The following PKP4 variants were observed in gnomAD, a reference collection of about 807,000 sequenced individuals.
PKP4 encodes the protein plakophilin 4.
Under a neutral mutation model 145.1 loss-of-function variants are expected in PKP4, and 90 were observed. The ratio of observed to expected loss-of-function variants is 0.62; its 90% CI spans 0.52 to 0.74. PKP4 has a LOEUF of 0.74. PKP4 is among the 30% of genes least tolerant of loss of function. PKP4 has a pLI of 0.00. For missense variants in PKP4, 1,340 were observed against 1,482.7 expected (o/e 0.90, Z 1.58); for synonymous variants, 563 against 577.2 (o/e 0.98, Z 0.35).
chr2:158,598,603 T>TA (rs1342742687), intron 3 of PKP4, among the ~76,000 whole-genome samples: 3 of 151,746 alleles, frequency 2.0e-5, no homozygotes, highest in African/African-American at 7.3e-5. Context: ...CCGTCTCTAC[T>TA]AAAAAAATAC....
chr2:158,674,987 G>A (rs1328247855), intron 19 of PKP4, among the ~76,000 whole-genome samples: 4 of 152,090 alleles, frequency 2.6e-5, no homozygotes, highest in African/African-American at 7.2e-5. Context: ...GTTGTGTATG[G>A]TATATATCTT....
chr2:158,537,191 A>G (rs1329148051), intron 2 of PKP4, among the ~76,000 whole-genome samples: 3 of 152,212 alleles, frequency 2.0e-5, no homozygotes, highest in Admixed American at 6.5e-5. Flanking sequence ...CACTCAGCCA[A>G]ACCTTCTTAA....
chr2:158,543,814 G>T (rs147018540), intron 2 of PKP4, among the ~76,000 whole-genome samples: 1 of 152,268 alleles, frequency 6.6e-6, no homozygotes, highest in African/African-American at 2.4e-5. Flanking sequence ...GACCAGGGTA[G>T]TTCTCCGTAC....
chr2:158,648,349 A>G (rs2055023135), intron 11 of PKP4, among the ~76,000 whole-genome samples: 1 of 152,244 alleles, frequency 6.6e-6, no homozygotes, highest in Admixed American at 6.5e-5. Flanking sequence ...AATTAATAAG[A>G]AAATAATAGT....
chr2:158,486,103 A>T (rs184271049), intron 1 of PKP4, among the ~76,000 whole-genome samples: 130 of 152,306 alleles, frequency 8.5e-4, no homozygotes, highest in Middle Eastern at 3.4e-3. Flanking sequence ...TATAACATTA[A>T]ATTTGTAATC....
At chr2:158,498,607 G>A (rs1205564181) in intron 1 of PKP4, among the ~76,000 whole-genome samples, 1 of 152,184 alleles carries the variant, frequency 6.6e-6, no homozygotes, top group Non-Finnish European at 1.5e-5. Flanking sequence ...CTCTGCTGAT[G>A]TTGGCCTTAT....
intron 1 of PKP4, among the ~76,000 whole-genome samples, chr2:158,484,654 A>G (rs1345475524): frequency 2.6e-5 from 4 of 152,246 alleles, no homozygotes; most frequent in Admixed American, 6.5e-5. Flanking sequence ...ATTTTCTGTG[A>G]TAAAGATGAT....
chr2:158,621,364 A>C lies in PKP4; in HGVS notation c.546A>C (p.Gly182=). The change falls in exon 6 of 22, where the codon GGA becomes GGC. Residue 182 remains glycine (G), a synonymous_variant. Transcript: ENST00000389759. ...ACAGACAGCAGCATTCATTCATAGG[A>C]TCAACTAACAACCATGTGGTGAGGA... ...ADNRQQHSFI[G]STNNHVVRNS... 1 of 1,614,154 alleles carries C rather than the reference A, an allele frequency of 6.2e-7. No individual in the cohort carries two copies. Among genetic ancestry groups the C allele is most frequent in the Non-Finnish European group, 8.5e-7 (1 of 1,180,018 alleles).
In PKP4 at chr2:158,625,130, C is replaced by T. The variant is rs550760431; in HGVS notation, c.856C>T (p.Arg286Trp). 18 of 1,614,190 alleles carry T rather than the reference C, an allele frequency of 1.1e-5. No homozygotes were observed. Among genetic ancestry groups the T allele is most frequent in the Admixed American group, 3.3e-5 (2 of 60,022 alleles). The stretch of plus-strand genomic sequence containing the variant: ...GAGACCCGCCTCCCCAACAGCTATA[C>T]GGCGGATTGGGTCAGTCACCTCCCG... ...SQRPASPTAI[R>W]RIGSVTSRQT... Residue 286 changes from arginine to tryptophan, a missense_variant, in exon 7 of 22, where the codon CGG (arginine) becomes TGG (tryptophan). By Grantham distance (101) the Arg-to-Trp change is moderately radical (BLOSUM62 -3). Coordinates refer to ENST00000389759, the MANE Select transcript of PKP4 (RefSeq NM_003628.6).
At chr2:158,520,689 G>T (rs765440878) in intron 1 of PKP4, among the ~76,000 whole-genome samples, 1 of 152,196 alleles carries the variant, frequency 6.6e-6, no homozygotes, top group Non-Finnish European at 1.5e-5. Context: ...TTCTTCATGT[G>T]CCTCTCTGAG....
chr2:158,507,543 C>T (rs763932792), intron 1 of PKP4, among the ~76,000 whole-genome samples: 1 of 152,162 alleles, frequency 6.6e-6, no homozygotes, highest in Non-Finnish European at 1.5e-5. Flanking sequence ...TACCTTTCCC[C>T]ATTTGAAAAA....
chr2:158,643,341 G>A (rs2054484758), intron 11 of PKP4, among the ~76,000 whole-genome samples: 1 of 152,136 alleles, frequency 6.6e-6, no homozygotes, highest in East Asian at 1.9e-4. Context: ...ATAGGCAGAG[G>A]TCTTTCTAGT....
chr2:158,502,451 T>C (rs549263050), intron 1 of PKP4, among the ~76,000 whole-genome samples: 2 of 152,316 alleles, frequency 1.3e-5, no homozygotes, highest in East Asian at 3.9e-4. Flanking sequence ...TTAAATTGTC[T>C]CTCAAATCCA....
At chr2:158,584,323 T>C (rs1159720331) in intron 3 of PKP4, among the ~76,000 whole-genome samples, 1 of 152,232 alleles carries the variant, frequency 6.6e-6, no homozygotes, top group Non-Finnish European at 1.5e-5. Flanking sequence ...TCCCAAGTGC[T>C]GAATACCTTG....
At chr2:158,528,636 TA>T (rs70994211) in intron 1 of PKP4, among the ~76,000 whole-genome samples, 22 of 81,552 alleles carry the variant, frequency 2.7e-4, no homozygotes, top group South Asian at 5.4e-4. Context: ...TAAAGTATAA[TA>T]AAAAAAAAAA....
At chr2:158,653,362 C>G (rs2055585247) in intron 11 of PKP4, among the ~76,000 whole-genome samples, 1 of 152,114 alleles carries the variant, frequency 6.6e-6, no homozygotes, top group South Asian at 2.1e-4. Flanking sequence ...ATTAGAATAG[C>G]TATAAAGTTA....
chr2:158,540,716 T>G (rs986134651), intron 2 of PKP4, among the ~76,000 whole-genome samples: 2 of 152,174 alleles, frequency 1.3e-5, no homozygotes, highest in African/African-American at 4.8e-5. Flanking sequence ...TTTGTTAACT[T>G]AGGCATTTTT....
intron 11 of PKP4, among the ~76,000 whole-genome samples, chr2:158,653,295 A>G (rs2055577981): frequency 6.6e-6 from 1 of 152,212 alleles, no homozygotes; most frequent in African/African-American, 2.4e-5. Flanking sequence ...AGTTGCTATT[A>G]TTTTAATTAA....
chr2:158,663,127 T>G, intron 14 of PKP4, 39 bp downstream of exon 14: 1 of 1,552,590 alleles, frequency 6.4e-7, no homozygotes, highest in South Asian at 1.2e-5. Flanking sequence ...CAAGTTTAAT[T>G]TTTCTGGGAG....
Sources: allele counts gnomAD v4.1 joint callset (sites outside exome capture counted in the v4.1 genomes callset), GRCh38; gene constraint gnomAD v4.1.1; transcripts MANE v1.5; gene names NCBI Gene and HGNC (gene_info 2026-07-23, HGNC 2026-07-21).